Variants in OR5P3 observed in about 807,000 individuals in gnomAD.
The protein encoded by OR5P3 is olfactory receptor 5P3.
For synonymous variants in OR5P3, 172 were observed against 141.8 expected (o/e 1.21, Z -1.51); for missense variants, 415 against 375.6 (o/e 1.10, Z -0.87).
chr11:7,830,094 T>C (rs1275932557), intron 1 of OR5P3, among the ~76,000 whole-genome samples: 1 of 152,158 alleles, frequency 6.6e-6, no homozygotes, highest in Non-Finnish European at 1.5e-5. Flanking sequence ...TCAACCAAAA[T>C]TAAGGAATAA....
chr11:7,825,226 A>T lies in OR5P3; in HGVS notation c.747T>A (p.Thr249=), dbSNP rs528443908. The change falls in exon 2 of 2, where the codon ACT becomes ACA. Residue 249 remains threonine (T), a synonymous_variant. Coordinates refer to ENST00000641167, the MANE Select transcript of OR5P3 (RefSeq NM_153445.2). The stretch of plus-strand genomic sequence containing the variant: ...TGAAGGTAATGGTCCCATAGAACAG[A>T]GTGACTGCAGTGAGGTGGGAGGTGC... ...STCTSHLTAV[T]LFYGTITFIY... 2 of 1,612,834 alleles carry T rather than the reference A, an allele frequency of 1.2e-6. No individual in the cohort carries two copies. The highest frequency in any genetic ancestry group is 1.7e-5 in the Admixed American group (1 of 59,956).
At position 7,825,404 on chromosome 11, in the gene OR5P3, G is replaced by C. The variant is rs748564383; in HGVS notation, c.569C>G (p.Ser190Cys). ...AATTATTTCAAAAGTAAAATCATGG[G>C]AACAAGCAAGCTTCAAAAGTGGTGA... ...DYSPLLKLAC[S>C]HDFTFEIIPA... Residue 190 changes from serine to cysteine, a missense_variant, in exon 2 of 2, where the codon TCC becomes TGC. Coordinates refer to ENST00000641167, the MANE Select transcript of OR5P3 (RefSeq NM_153445.2). 2.5e-6 allele frequency: 4 copies of C among 1,613,134 alleles called. No individual in the cohort carries two copies. The Admixed American group carries it at 5.0e-5, about 20-fold the overall frequency.
Position 7,825,706 on chromosome 11 carries a change from T to C in OR5P3, c.267A>G (p.Glu89=). ...CACAACCAGCAACAGGGAGAGAGGT[T>C]TCTTTCCTTAGGAAGCTCATGAGCA... ...PVMLMSFLRK[E]TSLPVAGCVA... is the part of the protein sequence containing the mutation. Residue 89 remains glutamate (E), a synonymous_variant, in exon 2 of 2, where the codon GAA becomes GAG. Coordinates refer to ENST00000641167, the MANE Select transcript of OR5P3 (RefSeq NM_153445.2). The C allele has an allele frequency of 2.5e-6, 4 of 1,613,222 alleles. No homozygotes were observed. The highest frequency in any genetic ancestry group is 3.4e-6 in the Non-Finnish European group (4 of 1,180,038).
intron 1 of OR5P3, among the ~76,000 whole-genome samples, chr11:7,827,708 G>A (rs1208956946): frequency 6.6e-6 from 1 of 152,056 alleles, no homozygotes; most frequent in Non-Finnish European, 1.5e-5. Flanking sequence ...TACAGTTTGG[G>A]GTGCTTAAAA....
Position 7,825,598 on chromosome 11 carries a change from G to A in OR5P3, c.375C>T (p.Ala125=), listed in dbSNP as rs778150000. 1.9e-6 allele frequency: 3 copies of A among 1,613,112 alleles called. No individual in the cohort carries two copies. The highest frequency in any genetic ancestry group is 1.1e-5 in the South Asian group (1 of 91,088). Residue 125 remains alanine (A), a synonymous_variant, in exon 2 of 2, where the codon GCC becomes GCT. Transcript: ENST00000641167. The part of the protein sequence containing the change: ...LAAMAYDRYV[A]ICSPLLYSTC... Reference sequence around the variant, plus strand: ...TAGAGTAGAGCAGGGGTGAGCAGATGGCCACATAGCGATCATAGGCCATGG... The same window carrying A: ...TAGAGTAGAGCAGGGGTGAGCAGATAGCCACATAGCGATCATAGGCCATGG...
At position 7,825,940 on chromosome 11, in the gene OR5P3, C is replaced by G; in HGVS notation, c.33G>C (p.Glu11Asp). 6.3e-7 allele frequency: 1 copy of G among 1,585,042 alleles called. No individual in the cohort carries two copies. The highest frequency in any genetic ancestry group is 8.6e-7 in the Non-Finnish European group (1 of 1,163,992). ...CCTCAGATAACCCCAAAAGAGTAAA[C>G]TCTACCACAGTGGTGTCATTTCCAG... MGTGNDTTVVEFTLLGLSEDT... is the reference protein window; with the variant it reads MGTGNDTTVVDFTLLGLSEDT... Residue 11 changes from glutamate to aspartate, a missense_variant, in exon 2 of 2, where the codon GAG becomes GAC. Coordinates refer to ENST00000641167, the MANE Select transcript of OR5P3 (RefSeq NM_153445.2).
intron 1 of OR5P3, among the ~76,000 whole-genome samples, chr11:7,829,183 T>C (rs891568313): frequency 6.6e-6 from 1 of 152,120 alleles, no homozygotes; most frequent in African/African-American, 2.4e-5. Flanking sequence ...GAAAGACCAA[T>C]ATGCACCAAA....
Position 7,825,023 on chromosome 11 carries a change from A to G in OR5P3, c.*14T>C, listed in dbSNP as rs1857713552. Reference sequence around the variant, plus strand: ...AATATTAATATATCAGATTCTTCAAACTAACTAGTTTCATCAAGAAAATAT... The same window carrying G: ...AATATTAATATATCAGATTCTTCAAGCTAACTAGTTTCATCAAGAAAATAT... On this transcript the variant is annotated 3_prime_UTR_variant, in exon 2 of 2. Transcript: ENST00000641167. 6.3e-7 allele frequency: 1 copy of G among 1,585,816 alleles called. No homozygotes were observed. Among genetic ancestry groups the G allele is most frequent in the African/African-American group, 1.4e-5 (1 of 73,258 alleles).
chr11:7,824,947 CA>C lies in OR5P3; in HGVS notation c.*89del, dbSNP rs1857712044. 9.6e-7 allele frequency: 1 copy of C among 1,044,008 alleles called. No homozygotes were observed. Among genetic ancestry groups the C allele is most frequent in the African/African-American group, 1.6e-5 (1 of 60,856 alleles). 64.7% of individuals were successfully genotyped at this position (1,044,008 alleles called of 1,614,324 possible). A position where few individuals can be genotyped will look rare whatever the true frequency, so the allele number is the denominator to read the frequency against. The stretch of plus-strand genomic sequence containing the variant: ...TCCACACTGGGTAATGGTCTATGGA[CA>C]GATAAATTTTGACCACAAACACTCG... On this transcript the variant is annotated 3_prime_UTR_variant, in exon 2 of 2. Transcript: ENST00000641167.
At position 7,825,283 on chromosome 11, in the gene OR5P3, G is replaced by A. The variant is rs747399786; in HGVS notation, c.690C>T (p.Ser230=). ...YILITILKMH[S]TKGRHKAFST... is the part of the protein sequence containing the mutation. ...AGAAGGCCTTGTGGCGGCCCTTGGT[G>A]GAGTGCATCTTCAGGATGGTGATGA... The change falls in exon 2 of 2, where the codon TCC becomes TCT. Residue 230 remains serine (S), a synonymous_variant. Coordinates refer to ENST00000641167, the MANE Select transcript of OR5P3 (RefSeq NM_153445.2). 7 of 1,613,148 alleles carry A rather than the reference G, an allele frequency of 4.3e-6. No homozygotes were observed. The highest frequency in any genetic ancestry group is 5.1e-6 in the Non-Finnish European group (6 of 1,180,026).
intron 1 of OR5P3, among the ~76,000 whole-genome samples, chr11:7,827,566 G>A (rs1331006618): frequency 1.3e-5 from 2 of 152,128 alleles, no homozygotes; most frequent in African/African-American, 4.8e-5. Flanking sequence ...ATTTAAGCTA[G>A]GCAAAGATGA....
At position 7,825,445 on chromosome 11, in the gene OR5P3, G is replaced by A; in HGVS notation, c.528C>T (p.His176=). Residue 176 remains histidine, a synonymous_variant, in exon 2 of 2, where the codon CAC becomes CAT. Coordinates refer to ENST00000641167, the MANE Select transcript of OR5P3 (RefSeq NM_153445.2). The part of the protein sequence containing the change: ...LSFCGPNKVN[H]FFCDYSPLLK... ...AAAGTGGTGAATAGTCACAGAAAAA[G>A]TGATTGACTTTATTTGGCCCACAGA... 6.2e-7 allele frequency: 1 copy of A among 1,613,286 alleles called. No individual in the cohort carries two copies. Among genetic ancestry groups the A allele is most frequent in the Non-Finnish European group, 8.5e-7 (1 of 1,180,042 alleles).
In OR5P3 at chr11:7,825,995, T is replaced by A. The variant is rs1227161652; in HGVS notation, c.-21-2A>T. The A allele has an allele frequency of 1.6e-6, 2 of 1,260,064 alleles. No individual in the cohort carries two copies. Among genetic ancestry groups the A allele is most frequent in the Non-Finnish European group, 2.2e-6 (2 of 896,400 alleles). The allele number at this position is 1,260,064 out of a possible 1,614,324, so 78.1% of individuals were successfully genotyped here. ...CATCTATATTGGGAATGGTGCCAAC[T>A]GAAAGAAAAACAAATGAATATTATA... On this transcript the variant is annotated splice_acceptor_variant, in intron 1 of 1. Transcript: ENST00000641167. LOFTEE classifies it low-confidence loss of function (5UTR_SPLICE).
At chr11:7,827,798 G>A (rs1287500131) in intron 1 of OR5P3, among the ~76,000 whole-genome samples, 1 of 152,068 alleles carries the variant, frequency 6.6e-6, no homozygotes, top group Non-Finnish European at 1.5e-5. Flanking sequence ...GTTTTAGGGA[G>A]GAAAACAAAT....
Position 7,825,968 on chromosome 11 carries a change from C to G in OR5P3, c.5G>C (p.Gly2Ala), listed in dbSNP as rs1338228031. 1 of 1,517,434 alleles carries G rather than the reference C, an allele frequency of 6.6e-7. No homozygotes were observed. The highest frequency in any genetic ancestry group is 8.9e-7 in the Non-Finnish European group (1 of 1,119,412). 94.0% of individuals were successfully genotyped at this position (1,517,434 alleles called of 1,614,324 possible). The change falls in exon 2 of 2, where the codon GGG becomes GCG. Residue 2 changes from glycine to alanine, a missense_variant. Transcript: ENST00000641167. The stretch of plus-strand genomic sequence containing the variant: ...TACCACAGTGGTGTCATTTCCAGTC[C>G]CCATCTATATTGGGAATGGTGCCAA... MGTGNDTTVVEF... is the reference protein window; with the variant it reads MATGNDTTVVEF...
chr11:7,824,995 T>C lies in OR5P3; in HGVS notation c.*42A>G, dbSNP rs1857712777. The C allele has an allele frequency of 5.0e-6, 7 of 1,406,150 alleles. No homozygotes were observed. The highest frequency in any genetic ancestry group is 2.5e-5 in the East Asian group (1 of 40,306). 87.1% of individuals were successfully genotyped at this position (1,406,150 alleles called of 1,614,324 possible). On this transcript the variant is annotated 3_prime_UTR_variant, in exon 2 of 2. Transcript: ENST00000641167. ...CTCGGTGTCTTATTATTATTATATA[T>C]AGAATATTAATATATCAGATTCTTC...
At chr11:7,826,202 T>A (rs1857740101) in intron 1 of OR5P3, among the ~76,000 whole-genome samples, 1 of 152,024 alleles carries the variant, frequency 6.6e-6, no homozygotes, top group African/African-American at 2.4e-5. Context: ...AAAAATCTTT[T>A]TTTTTTTTTA....
At chr11:7,830,145 C>T (rs78031296) in intron 1 of OR5P3, among the ~76,000 whole-genome samples, 3,290 of 152,172 alleles carry the variant, frequency 0.022, 109 homozygotes, top group African/African-American at 0.074. Context: ...GCAGACTGAA[C>T]GCTCTTGCAC....
Position 7,825,275 on chromosome 11 carries a change from C to A in OR5P3, c.698G>T (p.Gly233Val), listed in dbSNP as rs201546343. 1.2e-5 allele frequency: 19 copies of A among 1,612,994 alleles called. 1 individual carries two copies. In the African/African-American group the frequency reaches 1.4e-4, roughly 11 times the overall value. The change falls in exon 2 of 2, where the codon GGC becomes GTC. Residue 233 changes from glycine (G) to valine (V), a missense_variant. Transcript: ENST00000641167. ...GCAGGTGGAGAAGGCCTTGTGGCGG[C>A]CCTTGGTGGAGTGCATCTTCAGGAT... The part of the protein sequence containing the change: ...ITILKMHSTK[G>V]RHKAFSTCTS...
Sources: allele counts gnomAD v4.1 joint callset (sites outside exome capture counted in the v4.1 genomes callset), GRCh38; gene constraint gnomAD v4.1.1; transcripts MANE v1.5; gene names NCBI Gene and HGNC (gene_info 2026-07-23, HGNC 2026-07-21).